Variants in NWD2 observed in about 807,000 individuals in gnomAD.
The protein encoded by NWD2 is NACHT and WD repeat domain containing 2, also known as NACHT and WD repeat domain-containing protein 2.
Under a neutral mutation model 132.7 loss-of-function variants are expected in NWD2, and 37 were observed. The ratio of observed to expected loss-of-function variants is 0.28; its 90% CI spans 0.21 to 0.37. The LOEUF (loss-of-function observed/expected upper bound fraction) is 0.37. Among genes scored for constraint, NWD2 ranks in the 10% least tolerant of loss-of-function variants. The pLI, the probability that NWD2 is intolerant of heterozygous loss-of-function variation, is 1.00. For synonymous variants in NWD2, 705 were observed against 803.0 expected (o/e 0.88, Z 2.06); for missense variants, 1,592 against 2,122.4 (o/e 0.75, Z 4.91).
At chr4:37,429,470 A>G (rs941088204) in intron 3 of NWD2, among the ~76,000 whole-genome samples, 2 of 152,008 alleles carry the variant, frequency 1.3e-5, no homozygotes, top group African/African-American at 4.8e-5. Context: ...ACATGCCACC[A>G]TGCCTGGCTA....
rs1051999061 is a variant in NWD2, at chr4:37,273,607, T to C, written c.151+28389T>C. ...TAATAGACATCTACAGAACTCTCCA[T>C]CCCAAATCAACAGAATATACATTCT... On this transcript the variant is annotated intron_variant, in intron 1 of 6. Coordinates refer to ENST00000309447, the MANE Select transcript of NWD2 (RefSeq NM_001144990.2). Among the ~76,000 whole-genome samples the C allele has an allele frequency of 5.3e-5, 8 of 151,844 alleles. No homozygotes were observed. The South Asian group carries it at 6.2e-4, about 12-fold the overall frequency.
At chr4:37,291,261 A>G (rs555585115) in intron 1 of NWD2, among the ~76,000 whole-genome samples, 1 of 152,338 alleles carries the variant, frequency 6.6e-6, no homozygotes, top group Admixed American at 6.5e-5. Context: ...CATAACAAAA[A>G]TAATAGCCTA....
rs373657918 is a variant in NWD2, at chr4:37,443,749, C to T, written c.1761C>T (p.Arg587=). 33 of 1,551,700 alleles carry T rather than the reference C, an allele frequency of 2.1e-5. No homozygotes were observed. The highest frequency in any genetic ancestry group is 1.4e-4 in the African/African-American group (10 of 72,970). ...CSQVLKHQLL[R]VKRKVTSGQQ... ...AGGTCCTCAAACACCAGCTGCTGCGCGTCAAAAGGAAGGTCACATCAGGCC... is the reference window on the plus strand; with the variant it reads ...AGGTCCTCAAACACCAGCTGCTGCGTGTCAAAAGGAAGGTCACATCAGGCC... Residue 587 remains arginine (R), a synonymous_variant, in exon 7 of 7, where the codon CGC becomes CGT. Coordinates refer to ENST00000309447, the MANE Select transcript of NWD2 (RefSeq NM_001144990.2). The surrounding 1 kb of genome is among the most constrained non-coding windows in gnomAD (Gnocchi z 4.1).
chr4:37,301,937 G>A (rs1484524310), intron 1 of NWD2, among the ~76,000 whole-genome samples: 1 of 151,988 alleles, frequency 6.6e-6, no homozygotes, highest in African/African-American at 2.4e-5. Flanking sequence ...ACTGAATCAA[G>A]GTAATTAGCA....
At chr4:37,372,983 C>T (rs1004430374) in intron 3 of NWD2, among the ~76,000 whole-genome samples, 26 of 152,290 alleles carry the variant, frequency 1.7e-4, no homozygotes, top group Admixed American at 1.0e-3. Flanking sequence ...AGAAAATTCA[C>T]AATGCTAAAA....
At chr4:37,292,269 G>A (rs1718379207) in intron 1 of NWD2, among the ~76,000 whole-genome samples, 1 of 151,622 alleles carries the variant, frequency 6.6e-6, no homozygotes, top group Admixed American at 6.6e-5. Flanking sequence ...AAATGTGATA[G>A]TATTAAGAAG....
At chr4:37,399,149 A>G (rs1460112691) in intron 3 of NWD2, among the ~76,000 whole-genome samples, 1 of 152,232 alleles carries the variant, frequency 6.6e-6, no homozygotes, top group African/African-American at 2.4e-5. Context: ...GATGAGGTCC[A>G]CATATGAAGG....
At chr4:37,252,856 T>G (rs1214644394) in intron 1 of NWD2, among the ~76,000 whole-genome samples, 1 of 152,210 alleles carries the variant, frequency 6.6e-6, no homozygotes, top group Non-Finnish European at 1.5e-5. Context: ...ATGTTTATTT[T>G]GCTGCATTCT....
chr4:37,269,328 G>A (rs1717821600), intron 1 of NWD2, among the ~76,000 whole-genome samples: 1 of 151,856 alleles, frequency 6.6e-6, no homozygotes. Context: ...ATGCAAAACT[G>A]ATGTCTAAAA....
At chr4:37,310,589 AT>A (rs33995831) in intron 1 of NWD2, among the ~76,000 whole-genome samples, 129,133 of 152,046 alleles carry the variant, frequency 0.85, 55,448 homozygotes, top group African/African-American at 0.95. Flanking sequence ...GGTGGAAAAC[AT>A]TTGCCTAATA....
intron 3 of NWD2, among the ~76,000 whole-genome samples, chr4:37,357,251 G>A (rs1362328354): frequency 6.6e-6 from 1 of 152,070 alleles, no homozygotes; most frequent in Non-Finnish European, 1.5e-5. Flanking sequence ...TGACAGACGA[G>A]TGTTAAAATT....
chr4:37,395,309 G>A (rs1214613434), intron 3 of NWD2, among the ~76,000 whole-genome samples: 2 of 151,952 alleles, frequency 1.3e-5, no homozygotes, highest in Admixed American at 6.6e-5. Context: ...GCTCAATTGA[G>A]GACACATAGG....
At chr4:37,275,437 A>C (rs555512387) in intron 1 of NWD2, among the ~76,000 whole-genome samples, 16 of 152,074 alleles carry the variant, frequency 1.1e-4, no homozygotes, top group Admixed American at 9.8e-4. Context: ...GGATACAAAG[A>C]AATAGAAGAA....
chr4:37,270,754 G>T (rs1594984), intron 1 of NWD2, among the ~76,000 whole-genome samples: 128,869 of 151,790 alleles, frequency 0.85, 55,277 homozygotes, highest in African/African-American at 0.95. Context: ...TTTGAGAAGT[G>T]GTTTTTAATT....
chr4:37,353,073 T>G (rs113529408), intron 2 of NWD2, among the ~76,000 whole-genome samples: 1 of 152,208 alleles, frequency 6.6e-6, no homozygotes, highest in Non-Finnish European at 1.5e-5. Flanking sequence ...TCTCAGCATT[T>G]GCTTGTTTGT....
chr4:37,348,657 T>TAC (rs1719693048), intron 2 of NWD2, among the ~76,000 whole-genome samples: 1 of 73,866 alleles, frequency 1.4e-5, no homozygotes, highest in Non-Finnish European at 2.8e-5. Flanking sequence ...TATATATATA[T>TAC]ATATATATAT....
At chr4:37,417,482 A>T (rs1292182598) in intron 3 of NWD2, among the ~76,000 whole-genome samples, 2 of 152,218 alleles carry the variant, frequency 1.3e-5, no homozygotes, top group African/African-American at 4.8e-5. Context: ...TAACAAATGT[A>T]TAAAAATAGT....
chr4:37,430,653 G>A lies in NWD2; in HGVS notation c.439G>A (p.Ala147Thr), dbSNP rs759392547. 5.7e-5 allele frequency: 89 copies of A among 1,551,370 alleles called. No homozygotes were observed. The highest frequency in any genetic ancestry group is 7.0e-5 in the Non-Finnish European group (80 of 1,146,832). Residue 147 changes from alanine to threonine, a missense_variant, in exon 4 of 7, where the codon GCC becomes ACC. Physicochemically the swap from Ala to Thr is moderately conservative, Grantham distance 58. Transcript: ENST00000309447. ...AGAGTTTGAAATGATTTTGGATGCCGCCATAGAGGCAAAGCTGGAGACCAA... is the reference window on the plus strand; with the variant it reads ...AGAGTTTGAAATGATTTTGGATGCCACCATAGAGGCAAAGCTGGAGACCAA... ...ASEFEMILDA[A>T]IEAKLETKLL...
intron 3 of NWD2, among the ~76,000 whole-genome samples, chr4:37,387,670 CTTTTTTTTTTTT>C (rs34665816): frequency 1.1e-5 from 1 of 88,688 alleles, no homozygotes; most frequent in Non-Finnish European, 2.1e-5. Context: ...TTGAAATATT[CTTTTTTTTTTTT>C]TTTTTTTTTT....
Sources: gnomAD v4.1 joint callset for allele counts (sites outside exome capture counted in the v4.1 genomes callset) on GRCh38, gnomAD v4.1.1 for gene constraint, Gnocchi (gnomAD v3.1) non-coding constraint, MANE v1.5 for transcripts, NCBI Gene and HGNC (gene_info 2026-07-23, HGNC 2026-07-21) for gene names.